The following CDH13 variants were observed in gnomAD, a reference collection of about 807,000 sequenced individuals.
CDH13 encodes cadherin-13.
Under a neutral mutation model 63.8 loss-of-function variants are expected in CDH13, and 24 were observed. The ratio of observed to expected loss-of-function variants is 0.38; its 90% CI spans 0.27 to 0.53. The LOEUF (loss-of-function observed/expected upper bound fraction) is 0.53. Among genes scored for constraint, CDH13 ranks in the 20% least tolerant of loss-of-function variants. The pLI is 0.85. For synonymous variants in CDH13, 503 were observed against 355.3 expected (o/e 1.42, Z -4.67); for missense variants, 1,049 against 903.1 (o/e 1.16, Z -2.07).
intron 8 of CDH13, among the ~76,000 whole-genome samples, chr16:83,632,882 T>G (rs1384856810): frequency 1.3e-5 from 2 of 151,652 alleles, no homozygotes; most frequent in Non-Finnish European, 2.9e-5. Flanking sequence ...TCTTGGGTTT[T>G]CCGGGAAAGG....
intron 6 of CDH13, among the ~76,000 whole-genome samples, chr16:83,351,140 A>T (rs560479665): frequency 2.9e-4 from 44 of 152,188 alleles, no homozygotes; most frequent in Non-Finnish European, 4.4e-4. Context: ...TGTTGCAGTA[A>T]CTGTGATGTG....
chr16:83,384,648 G>C (rs1487254448), intron 6 of CDH13, among the ~76,000 whole-genome samples: 1 of 152,192 alleles, frequency 6.6e-6, no homozygotes, highest in African/African-American at 2.4e-5. Flanking sequence ...CAGCAGCATG[G>C]GATCCGAGGG....
At chr16:82,783,547 G>A (rs556619540) in intron 1 of CDH13, among the ~76,000 whole-genome samples, 1 of 152,210 alleles carries the variant, frequency 6.6e-6, no homozygotes, top group Non-Finnish European at 1.5e-5. Flanking sequence ...TGAGGATGTA[G>A]AGAAAAACTT....
intron 7 of CDH13, among the ~76,000 whole-genome samples, chr16:83,510,642 C>G (rs1272512298): frequency 6.6e-6 from 1 of 152,180 alleles, no homozygotes; most frequent in African/African-American, 2.4e-5. Flanking sequence ...GATCAAGACT[C>G]AAAGCTGATG....
chr16:83,616,855 G>A lies in CDH13; in HGVS notation c.1101+14261G>A, dbSNP rs527927795. On this transcript the variant is annotated intron_variant, in intron 8 of 13. Coordinates refer to ENST00000567109, the MANE Select transcript of CDH13 (RefSeq NM_001257.5). The stretch of plus-strand genomic sequence containing the variant: ...GTCCACCTGGCTACAGCCTGCCTTC[G>A]TCTTAGGCCACACGGGAGCTCTGTT... Among the ~76,000 whole-genome samples, 7 of 152,228 alleles carry A rather than the reference G, an allele frequency of 4.6e-5. No individual in the cohort carries two copies. In the East Asian group the frequency reaches 9.7e-4, roughly 21 times the overall value.
At chr16:83,046,568 T>C (rs987910107) in intron 3 of CDH13, among the ~76,000 whole-genome samples, 5 of 152,202 alleles carry the variant, frequency 3.3e-5, no homozygotes, top group African/African-American at 1.2e-4. Context: ...TCACATCTTA[T>C]AGCTCTTAGC....
In CDH13 at chr16:83,602,134, AAAAAAAAAAC is replaced by A. The variant is rs1201033114; in HGVS notation, c.961-319_961-310del. Among the ~76,000 whole-genome samples, 73 of 94,380 alleles carry A rather than the reference AAAAAAAAAAC, an allele frequency of 7.7e-4. 2 individuals carry two copies. Among genetic ancestry groups the A allele is most frequent in the African/African-American group, 4.6e-3 (68 of 14,646 alleles). 61.9% of individuals were successfully genotyped at this position (94,380 alleles called of 152,430 possible). ...AAAAAAAAAAAAAAAAAAAAAAAAAAAAAAAAAAACCCAAAGGACAATGTATACCCAAGCC... is the reference window on the plus strand; with the variant it reads ...AAAAAAAAAAAAAAAAAAAAAAAAAACCAAAGGACAATGTATACCCAAGCC... On this transcript the variant is annotated intron_variant, in intron 7 of 13. Transcript: ENST00000567109.
At chr16:83,446,201 G>C (rs1027791014) in intron 6 of CDH13, among the ~76,000 whole-genome samples, 2 of 151,660 alleles carry the variant, frequency 1.3e-5, no homozygotes, top group Non-Finnish European at 2.9e-5. Context: ...TATTTAGGAG[G>C]CTGAGGCAAG....
chr16:83,136,486 CAAAAAAAA>C (rs542700844), intron 4 of CDH13, among the ~76,000 whole-genome samples: 5 of 61,552 alleles, frequency 8.1e-5, no homozygotes, highest in Non-Finnish European at 1.8e-4. Flanking sequence ...ACTCTGTCTC[CAAAAAAAA>C]AAAAAAAAAA....
chr16:83,394,480 T>C (rs567055539), intron 6 of CDH13, among the ~76,000 whole-genome samples: 91 of 152,138 alleles, frequency 6.0e-4, no homozygotes, highest in African/African-American at 8.4e-4. Context: ...ACTGGAGGAA[T>C]TGTAAGGATG....
At chr16:83,565,567 G>A (rs1052264228) in intron 7 of CDH13, among the ~76,000 whole-genome samples, 14 of 151,988 alleles carry the variant, frequency 9.2e-5, no homozygotes, top group Non-Finnish European at 2.1e-4. Context: ...GAAGGACAAG[G>A]CAGTGGAACA....
chr16:83,646,877 T>C (rs369595381), intron 8 of CDH13, among the ~76,000 whole-genome samples: 1 of 151,306 alleles, frequency 6.6e-6, no homozygotes, highest in Non-Finnish European at 1.5e-5. Flanking sequence ...AGAAGGCAAC[T>C]CCCCCCTTTC....
rs1269896651 is a variant in CDH13, at chr16:82,759,218, A to T, written c.46-99144A>T. On this transcript the variant is annotated intron_variant, in intron 1 of 13. Coordinates refer to ENST00000567109, the MANE Select transcript of CDH13 (RefSeq NM_001257.5). Reference sequence around the variant, plus strand: ...CCCACTGGGAGTGAGCAGAAACCTGATTTTTAATATAAACTTTATTTGTGT... The same window carrying T: ...CCCACTGGGAGTGAGCAGAAACCTGTTTTTTAATATAAACTTTATTTGTGT... Among the ~76,000 whole-genome samples the T allele has an allele frequency of 5.3e-5, 8 of 152,116 alleles. No individual in the cohort carries two copies. The East Asian group carries it at 1.5e-3, about 29-fold the overall frequency.
chr16:82,794,073 G>A (rs776256205), intron 1 of CDH13, among the ~76,000 whole-genome samples: 7 of 152,032 alleles, frequency 4.6e-5, no homozygotes, highest in Non-Finnish European at 7.4e-5. Flanking sequence ...TCCGAGGCCC[G>A]TGGGTCACAT....
intron 10 of CDH13, among the ~76,000 whole-genome samples, chr16:83,701,461 G>A (rs955819908): frequency 2.6e-5 from 4 of 152,128 alleles, no homozygotes; most frequent in South Asian, 4.1e-4. Context: ...GTCGTAGGCC[G>A]TACCCCATGC....
chr16:83,502,694 A>G (rs1249773448), intron 7 of CDH13, among the ~76,000 whole-genome samples: 3 of 152,234 alleles, frequency 2.0e-5, no homozygotes, highest in South Asian at 2.1e-4. Flanking sequence ...CAGGTGAAGT[A>G]CATTAACTCT....
rs180773300 is a variant in CDH13 at position 82,723,716 on chromosome 16, C to G, written c.45+96579C>G. Among the ~76,000 whole-genome samples, 578 of 152,250 alleles carry G rather than the reference C, an allele frequency of 3.8e-3. 3 individuals are homozygous for G. Among genetic ancestry groups the G allele is most frequent in the Non-Finnish European group, 6.9e-3 (467 of 68,014 alleles). On this transcript the variant is annotated intron_variant, in intron 1 of 13. Transcript: ENST00000567109. Reference sequence around the variant, plus strand: ...GTGAAAGATAAATCTTTACAATGTTCACTTGTTGAAATTTTGGAGTTATTT... The same window carrying G: ...GTGAAAGATAAATCTTTACAATGTTGACTTGTTGAAATTTTGGAGTTATTT...
intron 6 of CDH13, among the ~76,000 whole-genome samples, chr16:83,482,477 G>A (rs1404775914): frequency 6.6e-6 from 1 of 152,186 alleles, no homozygotes; most frequent in Non-Finnish European, 1.5e-5. Context: ...ACCTTGCTTT[G>A]CGGTGTTTGC....
intron 1 of CDH13, among the ~76,000 whole-genome samples, chr16:82,652,087 A>G (rs1018030508): frequency 2.6e-5 from 4 of 152,232 alleles, no homozygotes; most frequent in African/African-American, 7.2e-5. Context: ...TACCACAGCT[A>G]TGAAAGCAAA....
Sources: gnomAD v4.1 joint callset for allele counts (sites outside exome capture counted in the v4.1 genomes callset) on GRCh38, gnomAD v4.1.1 for gene constraint, MANE v1.5 for transcripts, NCBI Gene and HGNC (gene_info 2026-07-23, HGNC 2026-07-21) for gene names.